BANK1: variants seen among roughly 807,000 people sequenced by gnomAD.
BANK1 encodes the protein B cell scaffold protein with ankyrin repeats 1, also known as B-cell scaffold protein with ankyrin repeats.
A neutral mutation model predicts 94.5 loss-of-function variants in BANK1; 95 were observed. The ratio of observed to expected loss-of-function variants is 1.00; its 90% confidence interval spans 0.85 to 1.19. BANK1 has a LOEUF of 1.19. Ranked by LOEUF, BANK1 falls within the 50% of genes most tolerant of loss-of-function variation. BANK1 has a pLI of 0.00. For synonymous variants in BANK1, 334 were observed against 308.4 expected, an observed-to-expected ratio of 1.08 and a Z score of -0.87; for missense variants, 987 against 932.2, an observed-to-expected ratio of 1.06 and a Z score of -0.77.
chr4:102,068,501 C>A lies in BANK1; in HGVS notation c.2213-2774C>A, dbSNP rs2148967005. 2.0e-5 allele frequency among the ~76,000 whole-genome samples: 3 copies of A among 152,146 alleles called. No individual in the cohort carries two copies. In the Middle Eastern group the frequency reaches 0.01, roughly 518 times the overall value. On this transcript the variant is annotated intron_variant, in intron 13 of 16. Coordinates refer to ENST00000322953, the MANE Select transcript of BANK1 (RefSeq NM_017935.5). The stretch of plus-strand genomic sequence containing the variant: ...TTAAATTGGGTTACTACAACAGATC[C>A]TACAGACATTAAAAACATACTAAGG...
At chr4:101,882,121 A>G (rs968138213) in intron 5 of BANK1, among the ~76,000 whole-genome samples, 4 of 151,996 alleles carry the variant, frequency 2.6e-5, no homozygotes, top group Non-Finnish European at 4.4e-5. Context: ...GGGGATGGAT[A>G]CCCCATTTTA....
chr4:101,818,602 C>CA (rs1024994142), intron 1 of BANK1, among the ~76,000 whole-genome samples: 5 of 151,894 alleles, frequency 3.3e-5, no homozygotes, highest in African/African-American at 1.2e-4. Flanking sequence ...AGCCATGGTC[C>CA]AAAAATAGTA....
chr4:101,920,112 A>T (rs997899384), intron 7 of BANK1, among the ~76,000 whole-genome samples: 4 of 151,988 alleles, frequency 2.6e-5, no homozygotes, highest in Admixed American at 1.3e-4. Flanking sequence ...TCAGCAAACT[A>T]TCGCAAGGAC....
At chr4:102,056,027 G>T (rs987167610) in intron 11 of BANK1, among the ~76,000 whole-genome samples, 5 of 152,086 alleles carry the variant, frequency 3.3e-5, no homozygotes, top group Non-Finnish European at 5.9e-5. Flanking sequence ...TAAGCTACAG[G>T]ACTCAGTGTT....
At chr4:102,020,144 A>G (rs894135711) in intron 7 of BANK1, among the ~76,000 whole-genome samples, 20 of 152,194 alleles carry the variant, frequency 1.3e-4, no homozygotes, top group African/African-American at 4.8e-4. Flanking sequence ...TAATTCTCAA[A>G]ATCTTTGTAA....
chr4:101,996,962 C>G (rs189869492), intron 7 of BANK1, among the ~76,000 whole-genome samples: 1 of 152,064 alleles, frequency 6.6e-6, no homozygotes, highest in Non-Finnish European at 1.5e-5. Flanking sequence ...ACTTCCAATA[C>G]TATATTGAAT....
At chr4:101,866,222 A>G (rs1316624232) in intron 4 of BANK1, among the ~76,000 whole-genome samples, 1 of 152,174 alleles carries the variant, frequency 6.6e-6, no homozygotes, top group Non-Finnish European at 1.5e-5. Context: ...AATAACTTTA[A>G]TAGGTTTACT....
intron 5 of BANK1, among the ~76,000 whole-genome samples, chr4:101,892,657 GATAA>G (rs554834114): frequency 6.6e-6 from 1 of 151,806 alleles, no homozygotes; most frequent in African/African-American, 2.4e-5. Flanking sequence ...AAAGTCTTAG[GATAA>G]ATGTGATTTT....
At chr4:101,808,235 G>T (rs1725626623) in intron 1 of BANK1, among the ~76,000 whole-genome samples, 1 of 152,026 alleles carries the variant, frequency 6.6e-6, no homozygotes, top group African/African-American at 2.4e-5. Flanking sequence ...ATACCAGAAA[G>T]GTTTTCCTCC....
intron 1 of BANK1, among the ~76,000 whole-genome samples, chr4:101,808,507 A>T (rs1282989327): frequency 6.6e-6 from 1 of 152,204 alleles, no homozygotes; most frequent in African/African-American, 2.4e-5. Context: ...AATGATCACC[A>T]TTAGGTTATT....
intron 3 of BANK1, among the ~76,000 whole-genome samples, chr4:101,857,710 C>G (rs1727727099): frequency 6.6e-6 from 1 of 152,094 alleles, no homozygotes; most frequent in African/African-American, 2.4e-5. Flanking sequence ...ATTTCTTTAA[C>G]TTTTTTTCCC....
At chr4:102,000,862 T>C (rs748579653) in intron 7 of BANK1, among the ~76,000 whole-genome samples, 25 of 152,334 alleles carry the variant, frequency 1.6e-4, no homozygotes, top group South Asian at 4.1e-4. Context: ...CAACACATAA[T>C]AGAGCATCCC....
At position 102,030,016 on chromosome 4, in the gene BANK1, A is replaced by C; in HGVS notation, c.1651A>C (p.Arg551=). Reference sequence around the variant, plus strand: ...TCAAAACTGGGGTCATCCTGGTGTTAGACAAGAAACAGGAGATGAACCCAA... The same window carrying C: ...TCAAAACTGGGGTCATCCTGGTGTTCGACAAGAAACAGGAGATGAACCCAA... The part of the protein sequence containing the change: ...RSQNWGHPGV[R]QETGDEPKGE... The change falls in exon 10 of 17, where the codon AGA becomes CGA. Residue 551 remains arginine, a synonymous_variant. Coordinates refer to ENST00000322953, the MANE Select transcript of BANK1 (RefSeq NM_017935.5). 6.2e-7 allele frequency: 1 copy of C among 1,613,508 alleles called. No homozygotes were observed. The highest frequency in any genetic ancestry group is 8.5e-7 in the Non-Finnish European group (1 of 1,179,810).
intron 1 of BANK1, among the ~76,000 whole-genome samples, chr4:101,804,173 C>T (rs1002739837): frequency 6.6e-6 from 1 of 151,942 alleles, no homozygotes; most frequent in Non-Finnish European, 1.5e-5. Context: ...AAAATACAGA[C>T]CATACATGTT....
Position 102,000,048 on chromosome 4 carries a change from A to G in BANK1, c.1207-21466A>G, listed in dbSNP as rs79735470. ...GAAAATGAAAGAGATACCCGGGTGC[A>G]GTGGCTCATGCCTGTAATCCCAGCA... is the stretch of plus-strand genomic sequence containing the variant. On this transcript the variant is annotated intron_variant, in intron 7 of 16. Coordinates refer to ENST00000322953, the MANE Select transcript of BANK1 (RefSeq NM_017935.5). Among the ~76,000 whole-genome samples the G allele has an allele frequency of 4.7e-3, 710 of 152,258 alleles. 13 individuals are homozygous for G. In the East Asian group the frequency reaches 0.056, roughly 12 times the overall value.
At chr4:101,985,842 G>A (rs1215598879) in intron 7 of BANK1, among the ~76,000 whole-genome samples, 1 of 152,016 alleles carries the variant, frequency 6.6e-6, no homozygotes, top group Non-Finnish European at 1.5e-5. Flanking sequence ...CTAGCAAAAT[G>A]AGTCTTTGTT....
chr4:101,841,933 G>A (rs562228200), intron 2 of BANK1, among the ~76,000 whole-genome samples: 11 of 151,810 alleles, frequency 7.2e-5, no homozygotes, highest in Non-Finnish European at 1.3e-4. Context: ...TTGATGTAGG[G>A]AGGAGCAAAA....
chr4:101,966,117 A>C (rs1724746714), intron 7 of BANK1, among the ~76,000 whole-genome samples: 1 of 152,042 alleles, frequency 6.6e-6, no homozygotes, highest in African/African-American at 2.4e-5. Context: ...TTAAAAAACA[A>C]ATTTATTTTT....
chr4:102,058,716 G>T (rs895892414), intron 11 of BANK1, among the ~76,000 whole-genome samples: 1 of 149,196 alleles, frequency 6.7e-6, no homozygotes, highest in Non-Finnish European at 1.5e-5. Flanking sequence ...AAAAAAAAAG[G>T]TAAAAGCAGA....
Sources: allele counts gnomAD v4.1 joint callset (sites outside exome capture counted in the v4.1 genomes callset), GRCh38; gene constraint gnomAD v4.1.1; transcripts MANE v1.5; gene names NCBI Gene and HGNC (gene_info 2026-07-23, HGNC 2026-07-21).